Variants in CFAP263 observed in about 807,000 individuals in gnomAD.
The protein encoded by CFAP263 is cilia and flagella associated protein 263, also known as cilia- and flagella-associated protein 263.
chr16:58,259,225 T>TA, the CFAP263 span, among the ~76,000 whole-genome samples: 6 of 152,166 alleles, frequency 3.9e-5, no homozygotes, highest in African/African-American at 1.2e-4. Flanking sequence ...TTCAAAATTT[T>TA]AAAAAAACCT....
the CFAP263 span, chr16:58,258,622 A>T: frequency 1.8e-6 from 2 of 1,126,402 alleles, no homozygotes; most frequent in Non-Finnish European, 2.6e-6. Flanking sequence ...TTGGTCCACC[A>T]TAAATGTTGC....
chr16:58,272,140 C>T, the CFAP263 span, among the ~76,000 whole-genome samples: 6 of 151,720 alleles, frequency 4.0e-5, no homozygotes, highest in African/African-American at 7.3e-5. Context: ...TCAGCCTCTC[C>T]GAGTAGCTGG....
the CFAP263 span, chr16:58,278,654 C>T: frequency 6.2e-7 from 1 of 1,612,844 alleles, no homozygotes; most frequent in African/African-American, 1.3e-5. Context: ...CACGGGGAGC[C>T]CCAAGATGGG....
the CFAP263 span, chr16:58,258,661 T>A: frequency 1.4e-6 from 1 of 714,552 alleles, no homozygotes; most frequent in Non-Finnish European, 2.3e-6. Context: ...TTTGCATCCC[T>A]GAAAGTGTAT....
chr16:58,254,214 AC>A, the CFAP263 span: 1 of 1,560,898 alleles, frequency 6.4e-7, no homozygotes, highest in Non-Finnish European at 8.8e-7. Flanking sequence ...CCTCTACCCC[AC>A]TGAGAGGTAT....
chr16:58,257,736 T>A, the CFAP263 span, among the ~76,000 whole-genome samples: 1 of 152,096 alleles, frequency 6.6e-6, no homozygotes, highest in African/African-American at 2.4e-5. Context: ...TAGATGTAAC[T>A]GTCATTCATG....
the CFAP263 span, among the ~76,000 whole-genome samples, chr16:58,268,937 A>T: frequency 2.6e-5 from 4 of 152,200 alleles, no homozygotes. Context: ...TAAAGTGTAC[A>T]GTTCAGTGGA....
chr16:58,263,746 G>A, the CFAP263 span, among the ~76,000 whole-genome samples: 18 of 152,362 alleles, frequency 1.2e-4, no homozygotes, highest in East Asian at 3.5e-3. Flanking sequence ...GGGAGGCCTA[G>A]GCAGGCACAT....
chr16:58,280,593 A>G, the CFAP263 span: 2 of 1,614,100 alleles, frequency 1.2e-6, no homozygotes, highest in South Asian at 1.1e-5. Context: ...AGGACAGGGG[A>G]GGGCCGGCCC....
At chr16:58,280,339 T>C in the CFAP263 span, 3 of 1,614,186 alleles carry the variant, frequency 1.9e-6, no homozygotes, top group South Asian at 2.2e-5. Context: ...CCCACCGTAA[T>C]AGTCATAGTA....
the CFAP263 span, among the ~76,000 whole-genome samples, chr16:58,260,979 G>A: frequency 7.1e-4 from 108 of 152,236 alleles, 1 homozygote; most frequent in African/African-American, 2.4e-3. Flanking sequence ...CCTAGGCTGC[G>A]TTCATAGAAA....
At chr16:58,268,750 T>G in the CFAP263 span, among the ~76,000 whole-genome samples, 2 of 152,240 alleles carry the variant, frequency 1.3e-5, no homozygotes, top group African/African-American at 4.8e-5. Flanking sequence ...AATGCAGAAT[T>G]GCCATGGTCC....
At chr16:58,265,740 G>A in the CFAP263 span, among the ~76,000 whole-genome samples, 4 of 152,344 alleles carry the variant, frequency 2.6e-5, no homozygotes, top group South Asian at 4.1e-4. Flanking sequence ...TTGTTATGTA[G>A]CGATAGGAAG....
the CFAP263 span, among the ~76,000 whole-genome samples, chr16:58,256,387 A>G: frequency 6.6e-6 from 1 of 152,210 alleles, no homozygotes. Context: ...GGCTTAAAAG[A>G]GACTTGGCAT....
At chr16:58,259,491 G>C in the CFAP263 span, among the ~76,000 whole-genome samples, 2 of 152,228 alleles carry the variant, frequency 1.3e-5, no homozygotes, top group South Asian at 4.2e-4. Flanking sequence ...GACAAGGTAG[G>C]GTTATTACTA....
At chr16:58,252,045 G>C in the CFAP263 span, among the ~76,000 whole-genome samples, 6 of 152,142 alleles carry the variant, frequency 3.9e-5, no homozygotes, top group African/African-American at 1.4e-4. Context: ...AACATCTGAA[G>C]ATTGTGGGTG....
chr16:58,273,410 C>T, the CFAP263 span, among the ~76,000 whole-genome samples: 1 of 152,146 alleles, frequency 6.6e-6, no homozygotes, highest in African/African-American at 2.4e-5. Context: ...TACATAATCT[C>T]TATCAATCTA....
the CFAP263 span, chr16:58,283,660 T>C: frequency 6.6e-6 from 1 of 152,166 alleles, no homozygotes; most frequent in South Asian, 2.1e-4. Context: ...AAGCTATATC[T>C]TCACTGTATT....
chr16:58,280,822 G>A, the CFAP263 span: 1 of 1,418,454 alleles, frequency 7.0e-7, no homozygotes, highest in Non-Finnish European at 9.5e-7. Context: ...ATCTATCCTT[G>A]TGCAATATAC....
Sources: allele counts gnomAD v4.1 joint callset (sites outside exome capture counted in the v4.1 genomes callset), GRCh38; gene constraint gnomAD v4.1.1; transcripts MANE v1.5; gene names NCBI Gene and HGNC (gene_info 2026-07-23, HGNC 2026-07-21).